PDS5B: variants seen among roughly 807,000 people sequenced by gnomAD.
The protein encoded by PDS5B is PDS5 cohesin associated factor B.
A neutral mutation model predicts 184.1 loss-of-function variants in PDS5B; 51 were observed. That is an observed-to-expected ratio of 0.28 (90% CI 0.22 to 0.35). The LOEUF is 0.35. Among genes scored for constraint, PDS5B ranks in the 10% least tolerant of loss-of-function variants. PDS5B has a pLI of 1.00. For missense variants in PDS5B, 1,180 were observed against 1,723.3 expected (o/e 0.68, Z 5.58); for synonymous variants, 566 against 569.2 (o/e 0.99, Z 0.08).
Position 32,770,562 on chromosome 13 carries a change from T to C in PDS5B, c.4064+2T>C. The C allele has an allele frequency of 6.2e-7, 1 of 1,603,186 alleles. No individual in the cohort carries two copies. The highest frequency in any genetic ancestry group is 8.5e-7 in the Non-Finnish European group (1 of 1,176,760). ...AGTGTCAAGGAGAGCACAGCAGAGGTAAGCATGTGTAACTCTAAACTGCAT... is the reference window on the plus strand; with the variant it reads ...AGTGTCAAGGAGAGCACAGCAGAGGCAAGCATGTGTAACTCTAAACTGCAT... On this transcript the variant is annotated splice_donor_variant, in intron 32 of 34. Transcript: ENST00000315596. LOFTEE classifies it high-confidence loss of function.
intron 25 of PDS5B, among the ~76,000 whole-genome samples, chr13:32,753,841 T>C (rs1267447939): frequency 6.6e-6 from 1 of 152,160 alleles, no homozygotes; most frequent in Non-Finnish European, 1.5e-5. Flanking sequence ...CATTATCTTA[T>C]TTTAATTGGA....
At chr13:32,716,459 GC>G (rs1444259835) in intron 19 of PDS5B, among the ~76,000 whole-genome samples, 5 of 151,086 alleles carry the variant, frequency 3.3e-5, no homozygotes, top group Admixed American at 3.3e-4. Flanking sequence ...GAGCCCCTCC[GC>G]CCGGCAGCCG....
intron 31 of PDS5B, among the ~76,000 whole-genome samples, chr13:32,765,983 C>T (rs1593646245): frequency 6.6e-6 from 1 of 152,212 alleles, no homozygotes; most frequent in South Asian, 2.1e-4. Flanking sequence ...TTAAAATTTT[C>T]ACATGAGCAA....
chr13:32,699,786 T>G lies in PDS5B; in HGVS notation c.1657T>G (p.Leu553Val). Residue 553 changes from leucine (L) to valine (V), a missense_variant, in exon 16 of 35, where the codon TTA becomes GTA. Leu to Val is a conservative substitution (Grantham distance 32). Around this residue, in one of 11 missense-constraint regions of PDS5B, gnomAD observed 475 missense variants for 691.5 expected, o/e 0.69. Transcript: ENST00000315596. ...TTTCATGAAGAAATTCACACAGGTG[T>G]TAGAAGATGATGAGAAAATAAGAAA... is the stretch of plus-strand genomic sequence containing the variant. ...QDFMKKFTQV[L>V]EDDEKIRKQL... 7.0e-6 allele frequency: 11 copies of G among 1,579,600 alleles called. No homozygotes were observed. The highest frequency in any genetic ancestry group is 8.6e-6 in the Non-Finnish European group (10 of 1,165,424).
At chr13:32,697,901 G>C (rs1262469861) in intron 15 of PDS5B, among the ~76,000 whole-genome samples, 2 of 152,088 alleles carry the variant, frequency 1.3e-5, no homozygotes, top group African/African-American at 4.8e-5. Flanking sequence ...TTTTTTAAGA[G>C]ACTAGGTCTT....
At chr13:32,678,311 G>A (rs888853332) in intron 9 of PDS5B, among the ~76,000 whole-genome samples, 1 of 151,882 alleles carries the variant, frequency 6.6e-6, no homozygotes, top group African/African-American at 2.4e-5. Context: ...GCCGTTAGTG[G>A]CAGTGTAATA....
At chr13:32,586,759 G>C (rs1329674644) in intron 1 of PDS5B, among the ~76,000 whole-genome samples, 166 bp downstream of exon 1, 1 of 148,504 alleles carries the variant, frequency 6.7e-6, no homozygotes. Flanking sequence ...GGGGGCTGCA[G>C]CGGGTGGCTG....
chr13:32,751,543 A>G (rs562781850), intron 24 of PDS5B, among the ~76,000 whole-genome samples: 1 of 152,272 alleles, frequency 6.6e-6, no homozygotes, highest in East Asian at 1.9e-4. Flanking sequence ...CTTTCTAATA[A>G]TGGCCGTTCT....
At chr13:32,735,112 G>A (rs1261455372) in intron 20 of PDS5B, 60 bp from the exon 21 acceptor site, 2 of 999,944 alleles carry the variant, frequency 2.0e-6, no homozygotes, top group Admixed American at 5.6e-5. Flanking sequence ...AATGAAATAT[G>A]TAAACAGTTT....
At chr13:32,757,304 C>T (rs1954217608) in intron 26 of PDS5B, among the ~76,000 whole-genome samples, 1 of 152,104 alleles carries the variant, frequency 6.6e-6, no homozygotes, top group Admixed American at 6.5e-5. Flanking sequence ...CCCAGTGTAG[C>T]CATGCATAAT....
intron 19 of PDS5B, among the ~76,000 whole-genome samples, chr13:32,719,428 C>G (rs1952590981): frequency 6.6e-6 from 1 of 152,194 alleles, no homozygotes; most frequent in Non-Finnish European, 1.5e-5. Context: ...GGTGATCTGC[C>G]TAGCTTGGCC....
intron 20 of PDS5B, among the ~76,000 whole-genome samples, chr13:32,733,290 A>G (rs1452840432): frequency 6.6e-6 from 1 of 152,086 alleles, no homozygotes. Flanking sequence ...CCTATGTAGC[A>G]TTTGGTTGGC....
intron 6 of PDS5B, among the ~76,000 whole-genome samples, chr13:32,663,739 T>G (rs1950712810): frequency 6.6e-6 from 1 of 152,212 alleles, no homozygotes; most frequent in Non-Finnish European, 1.5e-5. Context: ...TTTCAGTAGC[T>G]TTTGGGGTAC....
chr13:32,681,209 T>TA (rs2140798797), intron 10 of PDS5B, among the ~76,000 whole-genome samples: 1 of 152,334 alleles, frequency 6.6e-6, no homozygotes, highest in African/African-American at 2.4e-5. Context: ...TCTCATTCTA[T>TA]AGAAGATTCT....
chr13:32,607,669 A>C (rs1239157100), intron 1 of PDS5B, among the ~76,000 whole-genome samples: 3 of 147,972 alleles, frequency 2.0e-5, no homozygotes, highest in African/African-American at 5.0e-5. Context: ...TGGAGTCTAC[A>C]GAGGCAGGCC....
intron 30 of PDS5B, 80 bp from the exon 31 acceptor site, chr13:32,764,409 C>A: frequency 1.3e-6 from 1 of 796,892 alleles, no homozygotes; most frequent in Non-Finnish European, 1.8e-6. Flanking sequence ...TTCCATAAAT[C>A]TGTAAAGCTA....
intron 15 of PDS5B, among the ~76,000 whole-genome samples, chr13:32,697,438 AG>A (rs776932488): frequency 8.8e-4 from 134 of 152,314 alleles, no homozygotes; most frequent in Non-Finnish European, 1.6e-3. Flanking sequence ...AAACACCTGG[AG>A]GAATACTTCT....
chr13:32,735,086 A>G (rs940040004), intron 20 of PDS5B, 86 bp from the exon 21 acceptor site: 34 of 771,672 alleles, frequency 4.4e-5, no homozygotes, highest in Non-Finnish European at 6.3e-5. Context: ...TTACAAAATA[A>G]ATTTTGTAAT....
chr13:32,719,490 T>C (rs1215941161), intron 19 of PDS5B, among the ~76,000 whole-genome samples: 1 of 151,880 alleles, frequency 6.6e-6, no homozygotes, highest in Non-Finnish European at 1.5e-5. Flanking sequence ...GCCTGGATTG[T>C]ATTATTTTTA....
Sources: allele counts gnomAD v4.1 joint callset (sites outside exome capture counted in the v4.1 genomes callset), GRCh38; gene constraint gnomAD v4.1.1; regional missense constraint gnomAD v4.1.1; transcripts MANE v1.5; gene names NCBI Gene and HGNC (gene_info 2026-07-23, HGNC 2026-07-21).